The following REPS2 variants were observed in gnomAD, a reference collection of about 807,000 sequenced individuals.
REPS2 encodes the protein ralBP1-associated Eps domain-containing protein 2.
REPS2 carries 23 observed loss-of-function variants against 53.6 expected under a neutral mutation model. That is an observed-to-expected ratio of 0.43 (90% CI 0.31 to 0.61). REPS2 has a LOEUF of 0.61. Ranked by LOEUF, REPS2 falls within the 20% of genes least tolerant of loss-of-function variation. The pLI is 0.11. For missense variants in REPS2, 446 were observed against 534.9 expected (o/e 0.83, Z 1.64); for synonymous variants, 238 against 218.6 (o/e 1.09, Z -0.78).
chrX:17,071,670 A>C (rs1255009622), intron 11 of REPS2, among the ~76,000 whole-genome samples: 3 of 111,506 alleles, frequency 2.7e-5, no homozygotes, highest in Non-Finnish European at 3.8e-5. Context: ...TGGGAGACAC[A>C]AGCGTTTCAA....
At chrX:17,032,880 G>C (rs889609044) in intron 5 of REPS2, among the ~76,000 whole-genome samples, 1 of 111,931 alleles carries the variant, frequency 8.9e-6, no homozygotes, top group African/African-American at 3.3e-5. Context: ...ACTTTTGTTC[G>C]GGTGTTGGAT....
At chrX:16,983,203 T>A (rs1288335082) in intron 1 of REPS2, among the ~76,000 whole-genome samples, 7 of 108,389 alleles carry the variant, frequency 6.5e-5, no homozygotes, top group Non-Finnish European at 5.9e-5. Context: ...GGAAAAAAAA[T>A]ATATAAAATA....
intron 2 of REPS2, among the ~76,000 whole-genome samples, chrX:17,015,078 C>A (rs1173927900): frequency 8.9e-6 from 1 of 112,670 alleles, no homozygotes; most frequent in East Asian, 2.8e-4. Context: ...AAAGGTATAC[C>A]AATAACACCT....
the REPS2 span, among the ~76,000 whole-genome samples, chrX:17,177,025 A>G: frequency 8.9e-6 from 1 of 112,064 alleles, no homozygotes; most frequent in Non-Finnish European, 1.9e-5. Context: ...TTTCACAGTG[A>G]TGGACGGTAG....
chrX:16,946,955 G>T lies in REPS2; in HGVS notation c.94G>T (p.Glu32Ter). ...GSGPPPLLLS[E>*]GEQQCYSELF... ...CGGGCCGCCGCCGCTGCTGCTGAGC[G>T]AGGGCGAGCAGCAGTGCTACTCCGA... Residue 32 changes from glutamate (E) to a stop codon, truncating the protein, a stop_gained, in exon 1 of 18, where the codon GAG becomes TAG. Coordinates refer to ENST00000357277, the MANE Select transcript of REPS2 (RefSeq NM_004726.3). LOFTEE classifies it high-confidence loss of function. 4.5e-6 allele frequency: 4 copies of T among 879,462 alleles called. No homozygotes were observed. Among genetic ancestry groups the T allele is most frequent in the Non-Finnish European group, 5.6e-6 (4 of 718,654 alleles). The allele number at this position is 879,462 out of a possible 1,213,427, so 72.5% of individuals were successfully genotyped here.
intron 1 of REPS2, among the ~76,000 whole-genome samples, chrX:16,956,689 G>C (rs1457558433): frequency 9.0e-6 from 1 of 111,629 alleles, no homozygotes; most frequent in Non-Finnish European, 1.9e-5. Context: ...GACAGTTCCT[G>C]CAGTCCCGGC....
chrX:17,039,422 C>T (rs113361651), intron 5 of REPS2, among the ~76,000 whole-genome samples: 141 of 111,945 alleles, frequency 1.3e-3, no homozygotes, highest in African/African-American at 3.6e-3. Context: ...TTTGTGATGA[C>T]GTGCCAGATG....
At chrX:17,032,526 A>T (rs993356887) in intron 5 of REPS2, among the ~76,000 whole-genome samples, 4 of 111,693 alleles carry the variant, frequency 3.6e-5, no homozygotes, top group Non-Finnish European at 7.5e-5. Context: ...TGGATTAGTC[A>T]TGTAGATGAG....
At chrX:16,947,318 G>T (rs1038169748) in intron 1 of REPS2, among the ~76,000 whole-genome samples, 184 bp downstream of exon 1, 1 of 112,323 alleles carries the variant, frequency 8.9e-6, no homozygotes, top group African/African-American at 3.2e-5. Flanking sequence ...AGCCTCCTTC[G>T]CAGCTCAGCT....
chrX:17,088,866 A>G (rs745897729), intron 13 of REPS2, among the ~76,000 whole-genome samples: 3 of 111,378 alleles, frequency 2.7e-5, no homozygotes, highest in South Asian at 3.8e-4. Context: ...TACAGGTGTG[A>G]GCCACCACAT....
Position 17,150,748 on chromosome X carries a change from G to A in REPS2, c.*3267G>A, listed in dbSNP as rs944288984. ...GAAACCAAAGCCCTAAGAAACAACAGTTCCTGGCCCAAAAAATCCATAGAA... is the reference window on the plus strand; with the variant it reads ...GAAACCAAAGCCCTAAGAAACAACAATTCCTGGCCCAAAAAATCCATAGAA... On this transcript the variant is annotated 3_prime_UTR_variant, in exon 18 of 18. Coordinates refer to ENST00000357277, the MANE Select transcript of REPS2 (RefSeq NM_004726.3). 9.0e-6 allele frequency: 1 copy of A among 111,670 alleles called. No individual in the cohort carries two copies. Among genetic ancestry groups the A allele is most frequent in the African/African-American group, 3.3e-5 (1 of 30,688 alleles). 9.2% of individuals were successfully genotyped at this position (111,670 alleles called of 1,213,427 possible). A position where few individuals can be genotyped will look rare whatever the true frequency, so the allele number is the denominator to read the frequency against.
At chrX:17,001,718 A>T (rs1673089748) in intron 1 of REPS2, among the ~76,000 whole-genome samples, 1 of 112,215 alleles carries the variant, frequency 8.9e-6, no homozygotes, top group Admixed American at 9.4e-5. Flanking sequence ...CATATCCGAG[A>T]CTGGGAAGAA....
chrX:17,187,076 A>G, the REPS2 span, among the ~76,000 whole-genome samples: 1 of 112,011 alleles, frequency 8.9e-6, no homozygotes, highest in African/African-American at 3.2e-5. Context: ...CTCAAAAGCT[A>G]TTGAAATAAA....
chrX:17,032,996 T>C (rs1037532389), intron 5 of REPS2, among the ~76,000 whole-genome samples: 2 of 112,562 alleles, frequency 1.8e-5, no homozygotes, highest in African/African-American at 6.5e-5. Flanking sequence ...TCATCTGTTA[T>C]CATATGTTTA....
chrX:17,011,066 TGTGTGTGTGTGTGTGTGTGTG>T (rs1406845279), intron 2 of REPS2, among the ~76,000 whole-genome samples: 1 of 7,847 alleles, frequency 1.3e-4, no homozygotes, highest in Non-Finnish European at 2.5e-4. Flanking sequence ...ACTGTGTGTG[TGTGTGTGTGTGTGTGTGTGTG>T]TGTGTGTGTG....
At chrX:17,038,439 G>C (rs1297356702) in intron 5 of REPS2, among the ~76,000 whole-genome samples, 2 of 111,900 alleles carry the variant, frequency 1.8e-5, no homozygotes, top group Non-Finnish European at 3.8e-5. Flanking sequence ...GCTGCTGAGA[G>C]AGCTTTGCTT....
At chrX:17,004,150 A>C (rs1168632932) in intron 1 of REPS2, among the ~76,000 whole-genome samples, 1 of 111,264 alleles carries the variant, frequency 9.0e-6, no homozygotes, top group African/African-American at 3.3e-5. Context: ...ACAGGTTTGG[A>C]GTTTAGACTA....
At chrX:16,950,861 G>A (rs943212263) in intron 1 of REPS2, among the ~76,000 whole-genome samples, 3 of 112,325 alleles carry the variant, frequency 2.7e-5, no homozygotes, top group Non-Finnish European at 5.6e-5. Context: ...ATCAGCCTGG[G>A]TAACATAGTG....
intron 1 of REPS2, among the ~76,000 whole-genome samples, chrX:16,983,759 C>T (rs944290464): frequency 8.9e-6 from 1 of 112,947 alleles, no homozygotes; most frequent in Non-Finnish European, 1.9e-5. Context: ...CCAGCCTTGG[C>T]CTCCCAAAGT....
Sources: gnomAD v4.1 joint callset for allele counts (sites outside exome capture counted in the v4.1 genomes callset) on GRCh38, gnomAD v4.1.1 for gene constraint, MANE v1.5 for transcripts, NCBI Gene and HGNC (gene_info 2026-07-23, HGNC 2026-07-21) for gene names.